Variants in BEND4 observed in about 807,000 individuals in gnomAD.
BEND4 encodes BEN domain containing 4.
BEND4 carries 27 observed loss-of-function variants against 54.7 expected under a neutral mutation model. That is an observed-to-expected ratio of 0.49 (90% confidence interval 0.36 to 0.68). BEND4 has a LOEUF of 0.68. BEND4 is among the 30% of genes least tolerant of loss of function. The pLI, the probability that BEND4 is intolerant of heterozygous loss-of-function variation, is 0.00. For missense variants in BEND4, 702 were observed against 697.2 expected (o/e 1.01, Z -0.08); for synonymous variants, 327 against 299.5 (o/e 1.09, Z -0.95).
intron 3 of BEND4, 113 bp from the exon 4 acceptor site, chr4:42,125,787 G>A: frequency 1.6e-6 from 1 of 644,860 alleles, no homozygotes; most frequent in Non-Finnish European, 2.6e-6. Context: ...CACCCATACT[G>A]GAGTGCAGTG....
intron 3 of BEND4, among the ~76,000 whole-genome samples, chr4:42,127,393 G>C (rs916282544): frequency 3.9e-5 from 6 of 152,204 alleles, no homozygotes; most frequent in African/African-American, 1.4e-4. Context: ...ACGTGTATCA[G>C]AAGTAGGCCT....
intron 5 of BEND4, among the ~76,000 whole-genome samples, chr4:42,119,027 G>C (rs564083666): frequency 8.3e-4 from 127 of 152,264 alleles, no homozygotes; most frequent in Non-Finnish European, 1.4e-3. Context: ...AACCACGCAT[G>C]CCTGCCCCAT....
intron 4 of BEND4, among the ~76,000 whole-genome samples, chr4:42,123,997 T>C (rs1185150648): frequency 1.3e-5 from 2 of 152,156 alleles, no homozygotes; most frequent in East Asian, 3.9e-4. Context: ...TGGTCTACAG[T>C]GAAGCCACAG....
chr4:42,122,630 C>T lies in BEND4; in HGVS notation c.1147-2336G>A, dbSNP rs574503399. Reference sequence around the variant, plus strand: ...GAGCCACTAAAAAGGAGACTTCTACCATCCTTAATTTAAAAAATGAGACGT... The same window carrying T: ...GAGCCACTAAAAAGGAGACTTCTACTATCCTTAATTTAAAAAATGAGACGT... On this transcript the variant is annotated intron_variant, in intron 4 of 5. Transcript: ENST00000502486. Among the ~76,000 whole-genome samples the T allele has an allele frequency of 1.2e-3, 189 of 152,206 alleles. 1 individual carries two copies. The highest frequency in any genetic ancestry group is 4.4e-3 in the African/African-American group (184 of 41,516).
chr4:42,131,649 C>T (rs1214574774), intron 3 of BEND4, among the ~76,000 whole-genome samples: 4 of 152,098 alleles, frequency 2.6e-5, no homozygotes, highest in African/African-American at 4.8e-5. Context: ...TGGATGCACA[C>T]AGGATGGAAG....
intron 4 of BEND4, among the ~76,000 whole-genome samples, chr4:42,125,238 C>T (rs1421470809): frequency 6.6e-6 from 1 of 152,088 alleles, no homozygotes; most frequent in African/African-American, 2.4e-5. Flanking sequence ...GTGTGAGGTG[C>T]CCAGAGTGAG....
intron 2 of BEND4, among the ~76,000 whole-genome samples, chr4:42,149,894 A>G (rs1721203359): frequency 6.6e-6 from 1 of 152,210 alleles, no homozygotes. Context: ...GTAAATTTAC[A>G]GTGTATAACA....
chr4:42,138,834 G>T (rs543888191), intron 3 of BEND4, among the ~76,000 whole-genome samples: 3 of 151,990 alleles, frequency 2.0e-5, no homozygotes, highest in Non-Finnish European at 4.4e-5. Context: ...TATATTTTAT[G>T]ATTCTAAGAC....
intron 4 of BEND4, among the ~76,000 whole-genome samples, chr4:42,123,633 T>C (rs79520568): frequency 0.016 from 2,378 of 144,776 alleles, 76 homozygotes; most frequent in African/African-American, 0.059. Flanking sequence ...TTAGGAAATA[T>C]GGATTTAATT....
chr4:42,137,311 A>G (rs1720730444), intron 3 of BEND4, among the ~76,000 whole-genome samples: 1 of 152,248 alleles, frequency 6.6e-6, no homozygotes, highest in Non-Finnish European at 1.5e-5. Context: ...CTGGATTTCT[A>G]CATGCAAAAG....
chr4:42,124,756 C>T (rs1228246180), intron 4 of BEND4, among the ~76,000 whole-genome samples: 1 of 152,220 alleles, frequency 6.6e-6, no homozygotes, highest in Admixed American at 6.5e-5. Flanking sequence ...AATGAGGTCA[C>T]CATTCAGCAA....
At chr4:42,144,065 C>T (rs751210570) in intron 2 of BEND4, 71 bp from the exon 3 acceptor site, 4 of 1,065,674 alleles carry the variant, frequency 3.8e-6, no homozygotes, top group Non-Finnish European at 5.7e-6. Context: ...CCTCAATTTT[C>T]AGCTTAACAT....
intron 2 of BEND4, among the ~76,000 whole-genome samples, chr4:42,148,744 T>C (rs1300282227): frequency 6.6e-6 from 1 of 152,236 alleles, no homozygotes; most frequent in Non-Finnish European, 1.5e-5. Context: ...TATGCAATTA[T>C]ATAGGATTTA....
chr4:42,140,396 G>A (rs1217171804), intron 3 of BEND4, among the ~76,000 whole-genome samples: 2 of 152,198 alleles, frequency 1.3e-5, no homozygotes, highest in African/African-American at 2.4e-5. Flanking sequence ...ATTGTTGGAT[G>A]TATTTCTTAA....
chr4:42,123,194 A>G (rs534485734), intron 4 of BEND4, among the ~76,000 whole-genome samples: 1 of 152,366 alleles, frequency 6.6e-6, no homozygotes, highest in South Asian at 2.1e-4. Context: ...TAGCATAGTT[A>G]ATAAGTAAAA....
intron 2 of BEND4, among the ~76,000 whole-genome samples, chr4:42,144,768 A>G (rs913146647): frequency 2.6e-5 from 4 of 152,224 alleles, no homozygotes; most frequent in African/African-American, 9.7e-5. Context: ...TAGCCCATGT[A>G]CATGAATTCT....
At chr4:42,126,020 C>T (rs535888846) in intron 3 of BEND4, among the ~76,000 whole-genome samples, 2 of 151,822 alleles carry the variant, frequency 1.3e-5, no homozygotes, top group African/African-American at 2.4e-5. Context: ...GGTTCACAGG[C>T]GCAAGCCACC....
intron 4 of BEND4, among the ~76,000 whole-genome samples, chr4:42,123,143 G>C (rs1179193220): frequency 6.6e-6 from 1 of 152,202 alleles, no homozygotes; most frequent in Non-Finnish European, 1.5e-5. Flanking sequence ...GCACAATTCA[G>C]AATGCTCTCT....
chr4:42,121,667 G>A (rs892458547), intron 4 of BEND4, among the ~76,000 whole-genome samples: 4 of 152,166 alleles, frequency 2.6e-5, no homozygotes, highest in Non-Finnish European at 2.9e-5. Flanking sequence ...TCAAAAGATG[G>A]GCAGGGGCCC....
Sources: gnomAD v4.1 joint callset for allele counts (sites outside exome capture counted in the v4.1 genomes callset) on GRCh38, gnomAD v4.1.1 for gene constraint, MANE v1.5 for transcripts, NCBI Gene and HGNC (gene_info 2026-07-23, HGNC 2026-07-21) for gene names.